The following SEPTIN2 variants were observed in gnomAD, a reference collection of about 807,000 sequenced individuals.
SEPTIN2 encodes the protein septin 2, also known as septin-2.
SEPTIN2 carries 34 observed loss-of-function variants against 46.5 expected under a neutral mutation model. The ratio of observed to expected loss-of-function variants is 0.73; its 90% CI spans 0.56 to 0.97. The LOEUF is 0.97. Among genes scored for constraint, SEPTIN2 ranks in the 50% least tolerant of loss-of-function variants. The probability of loss-of-function intolerance (pLI) is 0.00; values close to 1 mark genes in which losing one functional copy is unlikely to be tolerated. For synonymous variants in SEPTIN2, 175 were observed against 153.4 expected, an observed-to-expected ratio of 1.14 and a Z score of -1.04; for missense variants, 347 against 448.4, an observed-to-expected ratio of 0.77 and a Z score of 2.04.
chr2:241,340,606 C>T (rs1414694082), intron 7 of SEPTIN2, among the ~76,000 whole-genome samples: 1 of 152,086 alleles, frequency 6.6e-6, no homozygotes, highest in African/African-American at 2.4e-5. Flanking sequence ...TTGTACTCTG[C>T]TATATTAAAT....
chr2:241,316,520 C>T lies in SEPTIN2; in HGVS notation c.-18+538C>T, dbSNP rs546537521. The stretch of plus-strand genomic sequence containing the variant: ...ACTAGGCCCTGTCTGCGGGTACCTT[C>T]GGCGAGGAGAGGCGACGAAGGTCTG... On this transcript the variant is annotated intron_variant, in intron 1 of 12. Transcript: ENST00000391971. 1.2e-5 allele frequency: 18 copies of T among 1,521,156 alleles called. No homozygotes were observed. The East Asian group carries it at 4.1e-4, about 34-fold the overall frequency. 94.2% of individuals were successfully genotyped at this position (1,521,156 alleles called of 1,614,324 possible).
chr2:241,345,780 T>G (rs1164479793), intron 9 of SEPTIN2, among the ~76,000 whole-genome samples: 1 of 152,202 alleles, frequency 6.6e-6, no homozygotes, highest in African/African-American at 2.4e-5. Flanking sequence ...CATGAATATT[T>G]TCATTACATT....
chr2:241,338,687 G>A (rs190856947), intron 7 of SEPTIN2, among the ~76,000 whole-genome samples: 3,349 of 107,460 alleles, frequency 0.031, 331 homozygotes, highest in Admixed American at 0.21. Context: ...TATTACATAT[G>A]TAATATATAT....
At chr2:241,348,650 T>C (rs946932194) in intron 11 of SEPTIN2, among the ~76,000 whole-genome samples, 4 of 152,196 alleles carry the variant, frequency 2.6e-5, no homozygotes, top group African/African-American at 9.7e-5. Flanking sequence ...ATAACTACTT[T>C]ATTACTATAT....
chr2:241,329,579 T>C (rs55634485), intron 3 of SEPTIN2, among the ~76,000 whole-genome samples: 16,863 of 152,234 alleles, frequency 0.11, 1,181 homozygotes, highest in Non-Finnish European at 0.15. Context: ...TAAATTCAGT[T>C]TCCTCAGCAA....
At chr2:241,349,514 C>T (rs2060590456) in intron 11 of SEPTIN2, among the ~76,000 whole-genome samples, 1 of 152,062 alleles carries the variant, frequency 6.6e-6, no homozygotes, top group African/African-American at 2.4e-5. Context: ...TCTTTCCCTC[C>T]TTTTAGGTTA....
At chr2:241,324,411 G>A (rs770499677) in intron 2 of SEPTIN2, 170 bp downstream of exon 2, 3 of 568,332 alleles carry the variant, frequency 5.3e-6, no homozygotes, top group South Asian at 2.0e-5. Flanking sequence ...TTTTTGAGAC[G>A]GGAGTCTTGT....
rs1559676751 is a variant in SEPTIN2 at position 241,350,150 on chromosome 2, C to T, written c.1062C>T (p.Gly354=). The T allele has an allele frequency of 4.3e-6, 7 of 1,613,190 alleles. No homozygotes were observed. The highest frequency in any genetic ancestry group is 4.5e-5 in the East Asian group (2 of 44,884). Residue 354 remains glycine, a synonymous_variant, in exon 12 of 13, where the codon GGC becomes GGT. Transcript: ENST00000391971. ...AGATGCAGGGCGGGGATGGCGATGG[C>T]GGGGCTCTCGGGCACCACGTGTAAG... ...QMQMQGGDGD[G]GALGHHV
intron 1 of SEPTIN2, among the ~76,000 whole-genome samples, chr2:241,322,008 T>A (rs1479608345): frequency 6.6e-6 from 1 of 152,174 alleles, no homozygotes; most frequent in East Asian, 1.9e-4. Context: ...CTCTTGAACC[T>A]TACTGCTACT....
chr2:241,320,787 C>CT, intron 1 of SEPTIN2, among the ~76,000 whole-genome samples: 1 of 152,084 alleles, frequency 6.6e-6, no homozygotes, highest in Non-Finnish European at 1.5e-5. Context: ...AAAACTCCAT[C>CT]TCAAAAAACA....
chr2:241,335,047 A>T, intron 3 of SEPTIN2, 79 bp from the exon 4 acceptor site: 1 of 925,272 alleles, frequency 1.1e-6, no homozygotes, highest in Non-Finnish European at 1.7e-6. Context: ...GCCCAGTACC[A>T]GGCCTTATGT....
intron 11 of SEPTIN2, among the ~76,000 whole-genome samples, chr2:241,349,803 A>AC (rs1207768639): frequency 6.6e-6 from 1 of 152,196 alleles, no homozygotes; most frequent in East Asian, 1.9e-4. Context: ...CCTAGGAGAC[A>AC]GAGTGAGACT....
At chr2:241,320,205 G>T (rs942233150) in intron 1 of SEPTIN2, 1 of 470,980 alleles carries the variant, frequency 2.1e-6, no homozygotes, top group Non-Finnish European at 4.4e-6. Flanking sequence ...CTCTGTAGAG[G>T]CTTGGAATAG....
rs1575354323 is a variant in SEPTIN2 at position 241,342,940 on chromosome 2, C to T, written c.595-52C>T. On this transcript the variant is annotated intron_variant, in intron 7 of 12. Transcript: ENST00000391971. Reference sequence around the variant, plus strand: ...TTACAAGATGAGCTAGAATTGGCTACAATAACATACGCAGTTTGCTAAAAT... The same window carrying T: ...TTACAAGATGAGCTAGAATTGGCTATAATAACATACGCAGTTTGCTAAAAT... 4.3e-6 allele frequency: 4 copies of T among 925,164 alleles called. No homozygotes were observed. In the East Asian group the frequency reaches 7.4e-5, roughly 17 times the overall value. 57.3% of individuals were successfully genotyped at this position (925,164 alleles called of 1,614,324 possible).
chr2:241,328,404 T>C (rs2078368102), intron 3 of SEPTIN2, among the ~76,000 whole-genome samples: 1 of 149,764 alleles, frequency 6.7e-6, no homozygotes, highest in Non-Finnish European at 1.5e-5. Context: ...AGCACTTTAG[T>C]CTGGCGACAG....
intron 3 of SEPTIN2, among the ~76,000 whole-genome samples, chr2:241,331,813 A>T (rs1046129000): frequency 6.6e-6 from 1 of 152,260 alleles, no homozygotes; most frequent in Non-Finnish European, 1.5e-5. Context: ...ACAGTCCCTG[A>T]TTTCAAGACT....
intron 3 of SEPTIN2, among the ~76,000 whole-genome samples, chr2:241,329,847 C>T (rs2078688586): frequency 6.6e-6 from 1 of 152,218 alleles, no homozygotes; most frequent in South Asian, 2.1e-4. Context: ...AAGGTAAAAT[C>T]ACCTTCAAAT....
chr2:241,348,332 A>AT (rs1334402455), intron 11 of SEPTIN2, 141 bp downstream of exon 11: 1 of 495,892 alleles, frequency 2.0e-6, no homozygotes, highest in Non-Finnish European at 3.5e-6. Flanking sequence ...GGTTCAAGTG[A>AT]TTCTCCTGCC....
intron 1 of SEPTIN2, among the ~76,000 whole-genome samples, chr2:241,319,051 G>A (rs1318417644): frequency 1.3e-5 from 2 of 152,004 alleles, no homozygotes; most frequent in Admixed American, 6.6e-5. Flanking sequence ...GTTTTCTTTT[G>A]ATTTTCTTGT....
Sources: gnomAD v4.1 joint callset for allele counts (sites outside exome capture counted in the v4.1 genomes callset) on GRCh38, gnomAD v4.1.1 for gene constraint, MANE v1.5 for transcripts, NCBI Gene and HGNC (gene_info 2026-07-23, HGNC 2026-07-21) for gene names.